Variants in BCKDHB observed in about 807,000 individuals in gnomAD.
The protein encoded by BCKDHB is branched chain keto acid dehydrogenase E1 subunit beta.
A neutral mutation model predicts 48.5 loss-of-function variants in BCKDHB; 41 were observed. The ratio of observed to expected loss-of-function variants is 0.85; its 90% CI spans 0.66 to 1.10. The LOEUF is 1.10. Ranked by LOEUF, BCKDHB falls within the 50% of genes least tolerant of loss-of-function variation. The pLI, the probability that BCKDHB is intolerant of heterozygous loss-of-function variation, is 0.00. For missense variants in BCKDHB, 496 were observed against 494.2 expected, an observed-to-expected ratio of 1.00 and a Z score of -0.03; for synonymous variants, 201 against 174.8, an observed-to-expected ratio of 1.15 and a Z score of -1.18.
Position 80,129,459 on chromosome 6 carries a change from A to C in BCKDHB, c.343+230A>C, listed in dbSNP as rs186693930. Among the ~76,000 whole-genome samples the C allele has an allele frequency of 2.0e-5, 3 of 152,248 alleles. No individual in the cohort carries two copies. The East Asian group carries it at 5.8e-4, about 29-fold the overall frequency. ...ATACAGTGTAAATGATTCCAAAATA[A>C]TTGTCATTAAATGTATATTATTTAT... is the stretch of plus-strand genomic sequence containing the variant. On this transcript the variant is annotated intron_variant, in intron 3 of 9. Coordinates refer to ENST00000320393, the MANE Select transcript of BCKDHB (RefSeq NM_183050.4).
chr6:80,150,597 T>C lies in BCKDHB; in HGVS notation c.344-17081T>C, dbSNP rs192431841. 1.8e-3 allele frequency among the ~76,000 whole-genome samples: 249 copies of C among 140,262 alleles called. 1 individual carries two copies. The highest frequency in any genetic ancestry group is 6.1e-3 in the African/African-American group (235 of 38,594). The allele number at this position is 140,262 out of a possible 152,430, so 92.0% of individuals were successfully genotyped here. On this transcript the variant is annotated intron_variant, in intron 3 of 9. Coordinates refer to ENST00000320393, the MANE Select transcript of BCKDHB (RefSeq NM_183050.4). ...TGTGAGATGGAGCCTTGCTCTGTCA[T>C]CCAGGCTGGAGTGCAGTGGTGCGAT...
At chr6:80,398,728 C>T in the BCKDHB span, among the ~76,000 whole-genome samples, 1 of 151,860 alleles carries the variant, frequency 6.6e-6, no homozygotes, top group Non-Finnish European at 1.5e-5. Context: ...TGACTCCTAC[C>T]CAACTCATTC....
chr6:80,385,512 C>G, the BCKDHB span, among the ~76,000 whole-genome samples: 71 of 152,296 alleles, frequency 4.7e-4, 1 homozygote, highest in South Asian at 1.7e-3. Flanking sequence ...TCCCCATTCC[C>G]AGTAGTGGCA....
rs143683882 is a variant in BCKDHB, at chr6:80,251,258, G to A, written c.952-21877G>A. Among the ~76,000 whole-genome samples, 272 of 152,270 alleles carry A rather than the reference G, an allele frequency of 1.8e-3. 2 individuals carry two copies. Among genetic ancestry groups the A allele is most frequent in the African/African-American group, 5.8e-3 (239 of 41,556 alleles). ...ACTCATCTGCTAGATCTAAATAGCC[G>A]TGGGAATGTGAAGCTTTTCACAAAT... On this transcript the variant is annotated intron_variant, in intron 8 of 9. Coordinates refer to ENST00000320393, the MANE Select transcript of BCKDHB (RefSeq NM_183050.4).
the BCKDHB span, among the ~76,000 whole-genome samples, chr6:80,435,492 A>G: frequency 6.6e-6 from 1 of 152,176 alleles, no homozygotes; most frequent in Non-Finnish European, 1.5e-5. Flanking sequence ...TCACTGTGCA[A>G]CATTCTAGTC....
At chr6:80,373,995 C>T in the BCKDHB span, 12 of 601,264 alleles carry the variant, frequency 2.0e-5, no homozygotes, top group African/African-American at 2.0e-4. Context: ...CTTTTAATTG[C>T]ATTTATTTTA....
At chr6:80,238,099 T>A (rs1776220035) in intron 8 of BCKDHB, among the ~76,000 whole-genome samples, 1 of 152,186 alleles carries the variant, frequency 6.6e-6, no homozygotes, top group African/African-American at 2.4e-5. Flanking sequence ...TAATCTTTTT[T>A]AAATTTTTAT....
At chr6:80,118,067 A>G (rs1769802737) in intron 1 of BCKDHB, among the ~76,000 whole-genome samples, 1 of 152,180 alleles carries the variant, frequency 6.6e-6, no homozygotes, top group Non-Finnish European at 1.5e-5. Flanking sequence ...TGTCACTGTG[A>G]TTGGGAAAAA....
At position 80,345,380 on chromosome 6, in the gene BCKDHB, A is replaced by G. The variant is rs867184511; in HGVS notation, c.*1576A>G. 2.0e-5 allele frequency: 3 copies of G among 152,226 alleles called. No homozygotes were observed. The highest frequency in any genetic ancestry group is 6.5e-5 in the Admixed American group (1 of 15,282). 9.4% of individuals were successfully genotyped at this position (152,226 alleles called of 1,614,324 possible). On this transcript the variant is annotated 3_prime_UTR_variant, in exon 10 of 10. Transcript: ENST00000320393. Reference sequence around the variant, plus strand: ...ATTCTCTACTTTTTAAAGATCAGAAATGCTAGAATTCTTGACTTTTGTGTA... The same window carrying G: ...ATTCTCTACTTTTTAAAGATCAGAAGTGCTAGAATTCTTGACTTTTGTGTA...
the BCKDHB span, among the ~76,000 whole-genome samples, chr6:80,362,144 T>G: frequency 6.6e-6 from 1 of 152,110 alleles, no homozygotes; most frequent in African/African-American, 2.4e-5. Context: ...ACTGAAAGCC[T>G]GTCTGGGCTC....
intron 9 of BCKDHB, among the ~76,000 whole-genome samples, chr6:80,292,496 T>C (rs1343746381): frequency 6.6e-6 from 1 of 152,132 alleles, no homozygotes; most frequent in Non-Finnish European, 1.5e-5. Context: ...CCCATCCCCA[T>C]GATTCAGTTA....
At chr6:80,434,672 G>C in the BCKDHB span, among the ~76,000 whole-genome samples, 1 of 152,016 alleles carries the variant, frequency 6.6e-6, no homozygotes, top group Non-Finnish European at 1.5e-5. Context: ...TTAGGGCTTT[G>C]TTTTCAACAG....
At chr6:80,357,488 T>G in the BCKDHB span, among the ~76,000 whole-genome samples, 2,052 of 152,170 alleles carry the variant, frequency 0.013, 25 homozygotes, top group South Asian at 0.032. Flanking sequence ...GGAGTCAGCC[T>G]CTCTTGACAT....
At chr6:80,216,659 A>G (rs1485992825) in intron 8 of BCKDHB, among the ~76,000 whole-genome samples, 2 of 152,236 alleles carry the variant, frequency 1.3e-5, no homozygotes, top group African/African-American at 4.8e-5. Flanking sequence ...ACCTCATTTC[A>G]TAATGAAAAA....
At chr6:80,174,082 A>C (rs549913020) in intron 6 of BCKDHB, among the ~76,000 whole-genome samples, 2 of 152,318 alleles carry the variant, frequency 1.3e-5, no homozygotes, top group African/African-American at 2.4e-5. Flanking sequence ...TGCAGTATCC[A>C]TAAGTAAAAA....
intron 8 of BCKDHB, among the ~76,000 whole-genome samples, chr6:80,253,296 A>G (rs892960444): frequency 1.3e-5 from 2 of 152,230 alleles, no homozygotes; most frequent in African/African-American, 2.4e-5. Context: ...GCAAAGACCT[A>G]CAAACATCTG....
chr6:80,274,836 C>T (rs1185898813), intron 9 of BCKDHB, among the ~76,000 whole-genome samples: 2 of 151,894 alleles, frequency 1.3e-5, no homozygotes, highest in African/African-American at 2.4e-5. Flanking sequence ...AATCCAGTGT[C>T]TCTTGGTCTT....
chr6:80,137,748 A>G (rs1770961260), intron 3 of BCKDHB, among the ~76,000 whole-genome samples: 1 of 152,002 alleles, frequency 6.6e-6, no homozygotes, highest in African/African-American at 2.4e-5. Context: ...AAACATGCAC[A>G]GGGCAGCCCC....
chr6:80,214,804 G>A (rs1048626980), intron 8 of BCKDHB, among the ~76,000 whole-genome samples: 13 of 152,116 alleles, frequency 8.5e-5, no homozygotes, highest in African/African-American at 3.1e-4. Context: ...TGATGATCTC[G>A]TGAATTGAAA....
Sources: gnomAD v4.1 joint callset for allele counts (sites outside exome capture counted in the v4.1 genomes callset) on GRCh38, gnomAD v4.1.1 for gene constraint, MANE v1.5 for transcripts, NCBI Gene and HGNC (gene_info 2026-07-23, HGNC 2026-07-21) for gene names.